Variants in AFF2 observed in about 807,000 individuals in gnomAD.
AFF2 encodes the protein AF4/FMR2 family member 2.
Under a neutral mutation model 76.9 loss-of-function variants are expected in AFF2, and 14 were observed. The ratio of observed to expected loss-of-function variants is 0.18; its 90% CI spans 0.12 to 0.28. AFF2 has a LOEUF of 0.28. Ranked by LOEUF, AFF2 falls within the 10% of genes least tolerant of loss-of-function variation. The pLI, the probability that AFF2 is intolerant of heterozygous loss-of-function variation, is 1.00. For synonymous variants in AFF2, 398 were observed against 366.7 expected (o/e 1.09, Z -0.98); for missense variants, 868 against 1,001.1 (o/e 0.87, Z 1.79).
intron 7 of AFF2, among the ~76,000 whole-genome samples, chrX:148,852,324 C>G (rs1252335869): frequency 2.8e-5 from 3 of 107,406 alleles, no homozygotes; most frequent in African/African-American, 1.0e-4. Context: ...AATGGTTGAA[C>G]TAATTTACAC....
intron 1 of AFF2, among the ~76,000 whole-genome samples, chrX:148,540,953 G>A (rs781815253): frequency 1.8e-5 from 2 of 111,791 alleles, no homozygotes; most frequent in Non-Finnish European, 3.8e-5. Context: ...TAGCCAAGAC[G>A]CGAGAAAAAA....
intron 3 of AFF2, among the ~76,000 whole-genome samples, chrX:148,778,553 G>A (rs947206045): frequency 1.6e-4 from 18 of 110,900 alleles, no homozygotes; most frequent in African/African-American, 4.9e-4. Flanking sequence ...ATTTGTTATT[G>A]GTCTATTCAG....
chrX:148,683,596 A>T (rs1235853485), intron 3 of AFF2, among the ~76,000 whole-genome samples: 3 of 112,023 alleles, frequency 2.7e-5, no homozygotes, highest in African/African-American at 9.7e-5. Context: ...TGTTGGTCTT[A>T]CAGGGGAGAC....
chrX:148,702,180 G>T lies in AFF2; in HGVS notation c.1041+39412G>T, dbSNP rs782401592. On this transcript the variant is annotated intron_variant, in intron 3 of 20. Coordinates refer to ENST00000370460, the MANE Select transcript of AFF2 (RefSeq NM_002025.4). ...TTACTTCAATTCCACTCTAGAATTGGTTGATGGATTCTCTCATAACTATAG... is the reference window on the plus strand; with the variant it reads ...TTACTTCAATTCCACTCTAGAATTGTTTGATGGATTCTCTCATAACTATAG... Among the ~76,000 whole-genome samples, 11 of 111,209 alleles carry T rather than the reference G, an allele frequency of 9.9e-5. No individual in the cohort carries two copies. The South Asian group carries it at 1.1e-3, about 11-fold the overall frequency.
chrX:148,564,138 A>C (rs2053143374), intron 1 of AFF2, among the ~76,000 whole-genome samples: 1 of 112,087 alleles, frequency 8.9e-6, no homozygotes, highest in Non-Finnish European at 1.9e-5. Flanking sequence ...CACTGTTGAA[A>C]TATTCAATAA....
chrX:148,917,876 AAAACAAACAAAC>A (rs782176825), intron 9 of AFF2, among the ~76,000 whole-genome samples: 1 of 112,270 alleles, frequency 8.9e-6, no homozygotes, highest in African/African-American at 3.2e-5. Flanking sequence ...TGAAGTGTAC[AAAACAAACAAAC>A]AAACAAACAA....
At chrX:148,979,331 A>G (rs146615736) in intron 18 of AFF2, among the ~76,000 whole-genome samples, 1,586 of 112,448 alleles carry the variant, frequency 0.014, 23 homozygotes, top group African/African-American at 0.045. Flanking sequence ...CACAGTTGGG[A>G]AAAAGAGCAT....
chrX:148,863,334 A>G (rs1341806117), intron 7 of AFF2, among the ~76,000 whole-genome samples: 4 of 112,056 alleles, frequency 3.6e-5, no homozygotes, highest in African/African-American at 1.3e-4. Flanking sequence ...GGCTGGTACA[A>G]AAGTACAGTT....
chrX:148,987,681 T>C, intron 20 of AFF2, 124 bp downstream of exon 20: 1 of 620,986 alleles, frequency 1.6e-6, no homozygotes, highest in Non-Finnish European at 2.5e-6. Flanking sequence ...AGAACTTAGA[T>C]AAGGGAAGAC....
rs564879089 is a variant in AFF2, at chrX:148,514,388, T to C, written c.47+13244T>C. ...ATTTGTGAATTTGGGCCTTCCACTG[T>C]AGGATGTGTAGGGTGGTCAGTCATG... On this transcript the variant is annotated intron_variant, in intron 1 of 20. Coordinates refer to ENST00000370460, the MANE Select transcript of AFF2 (RefSeq NM_002025.4). 2.1e-4 allele frequency among the ~76,000 whole-genome samples: 24 copies of C among 112,806 alleles called. No individual in the cohort carries two copies. In the South Asian group the frequency reaches 8.3e-3, roughly 39 times the overall value.
intron 3 of AFF2, among the ~76,000 whole-genome samples, chrX:148,759,827 G>A (rs1458004682): frequency 2.7e-5 from 3 of 112,229 alleles, no homozygotes; most frequent in Non-Finnish European, 5.6e-5. Flanking sequence ...CTTCCACGAT[G>A]TACTGTGATT....
chrX:148,648,533 G>C (rs1459587560), intron 1 of AFF2, among the ~76,000 whole-genome samples: 2 of 88,856 alleles, frequency 2.3e-5, no homozygotes, highest in African/African-American at 9.2e-5. Context: ...TTGCACTCCA[G>C]CCTGGTCGAC....
chrX:148,804,240 A>T (rs2070097849), intron 3 of AFF2, among the ~76,000 whole-genome samples: 1 of 111,908 alleles, frequency 8.9e-6, no homozygotes, highest in African/African-American at 3.3e-5. Context: ...AGGGATACAG[A>T]GGCTCAAACA....
At chrX:148,931,423 C>T (rs73640612) in intron 9 of AFF2, among the ~76,000 whole-genome samples, 5,334 of 111,169 alleles carry the variant, frequency 0.048, 311 homozygotes, top group African/African-American at 0.17. Flanking sequence ...ATTATAGTCA[C>T]TATAACCCAT....
At chrX:148,634,978 A>G (rs782594665) in intron 1 of AFF2, among the ~76,000 whole-genome samples, 2 of 111,722 alleles carry the variant, frequency 1.8e-5, no homozygotes, top group Non-Finnish European at 3.8e-5. Context: ...GCCCTACTGT[A>G]TGTCATGTAA....
intron 3 of AFF2, among the ~76,000 whole-genome samples, chrX:148,778,205 C>A (rs1557268760): frequency 8.9e-6 from 1 of 111,738 alleles, no homozygotes; most frequent in Non-Finnish European, 1.9e-5. Flanking sequence ...ATGAAGCCGA[C>A]TTGATCGTGG....
chrX:148,675,864 T>C (rs1403850817), intron 3 of AFF2, among the ~76,000 whole-genome samples: 1 of 109,681 alleles, frequency 9.1e-6, no homozygotes, highest in Non-Finnish European at 1.9e-5. Flanking sequence ...CCAGTCAAGA[T>C]TGATGGATAA....
rs376119434 is a variant in AFF2, at chrX:148,734,055, G to A, written c.1041+71287G>A. On this transcript the variant is annotated intron_variant, in intron 3 of 20. Coordinates refer to ENST00000370460, the MANE Select transcript of AFF2 (RefSeq NM_002025.4). ...ACAGAACATGTGCTGCAGCCCTCTTGTCCACCCAGTGGGGACCTTCCAGGC... is the reference window on the plus strand; with the variant it reads ...ACAGAACATGTGCTGCAGCCCTCTTATCCACCCAGTGGGGACCTTCCAGGC... 6.2e-5 allele frequency among the ~76,000 whole-genome samples: 7 copies of A among 112,313 alleles called. No individual in the cohort carries two copies. In the East Asian group the frequency reaches 8.5e-4, roughly 14 times the overall value.
intron 1 of AFF2, among the ~76,000 whole-genome samples, chrX:148,595,169 A>T (rs1369050413): frequency 1.8e-5 from 2 of 112,282 alleles, no homozygotes; most frequent in Non-Finnish European, 3.8e-5. Context: ...CTGAAGGAAA[A>T]TAACTTCCAC....
Sources: allele counts gnomAD v4.1 joint callset (sites outside exome capture counted in the v4.1 genomes callset), GRCh38; gene constraint gnomAD v4.1.1; transcripts MANE v1.5; gene names NCBI Gene and HGNC (gene_info 2026-07-23, HGNC 2026-07-21).